Variants in FOXP4 observed in about 807,000 individuals in gnomAD.
FOXP4 encodes the protein forkhead box protein P4.
Under a neutral mutation model 82.6 loss-of-function variants are expected in FOXP4, and 25 were observed. That is an observed-to-expected ratio of 0.30 (90% CI 0.22 to 0.42). FOXP4 has a LOEUF of 0.42. Ranked by LOEUF, FOXP4 falls within the 10% of genes least tolerant of loss-of-function variation. FOXP4 has a pLI of 1.00. For missense variants in FOXP4, 785 were observed against 900.9 expected, an observed-to-expected ratio of 0.87 and a Z score of 1.65; for synonymous variants, 415 against 388.2, an observed-to-expected ratio of 1.07 and a Z score of -0.81.
intron 1 of FOXP4, among the ~76,000 whole-genome samples, chr6:41,547,734 G>A (rs1030206560): frequency 1.3e-4 from 19 of 151,832 alleles, no homozygotes; most frequent in African/African-American, 4.1e-4. Flanking sequence ...GGCCACGGGG[G>A]CCCGGAGGCC....
intron 1 of FOXP4, among the ~76,000 whole-genome samples, chr6:41,554,471 C>T (rs1025214827): frequency 2.6e-5 from 4 of 152,196 alleles, no homozygotes; most frequent in Non-Finnish European, 4.4e-5. Flanking sequence ...CAGCCTAGCC[C>T]CTGAAGGCAT....
chr6:41,555,839 A>G (rs1446053736), intron 1 of FOXP4, among the ~76,000 whole-genome samples: 2 of 152,360 alleles, frequency 1.3e-5, no homozygotes, highest in South Asian at 2.1e-4. Flanking sequence ...TCTAATTTGC[A>G]TTAGTAACAA....
At chr6:41,566,882 G>A (rs973391230) in intron 2 of FOXP4, among the ~76,000 whole-genome samples, 10 of 152,194 alleles carry the variant, frequency 6.6e-5, no homozygotes, top group Admixed American at 4.6e-4. Context: ...GCCCACTCCT[G>A]CCTCATGCGT....
At chr6:41,566,622 A>G (rs1764895636) in intron 2 of FOXP4, among the ~76,000 whole-genome samples, 1 of 152,230 alleles carries the variant, frequency 6.6e-6, no homozygotes, top group Admixed American at 6.5e-5. Flanking sequence ...GGATGGGTCT[A>G]GATCTGGTTG....
intron 3 of FOXP4, among the ~76,000 whole-genome samples, chr6:41,579,981 C>A (rs921836943): frequency 6.6e-6 from 1 of 151,578 alleles, no homozygotes; most frequent in Non-Finnish European, 1.5e-5. Flanking sequence ...GAAAGTTGTC[C>A]AAAGTTATAC....
rs144444549 is a variant in FOXP4 at position 41,565,829 on chromosome 6, C to T, written c.69C>T (p.Leu23=). Residue 23 remains leucine, a synonymous_variant, in exon 2 of 17, where the codon CTC becomes CTT. Coordinates refer to ENST00000307972, the MANE Select transcript of FOXP4 (RefSeq NM_001012426.2). ...APSGQNGVGS[L]SGQADGSSGG... is the part of the protein sequence containing the mutation. ...CTGGTCAGAATGGCGTGGGCAGCCT[C>T]TCTGGGCAAGCCGATGGCAGCAGCG... 1.9e-6 allele frequency: 3 copies of T among 1,613,902 alleles called. No individual in the cohort carries two copies. The highest frequency in any genetic ancestry group is 1.3e-5 in the African/African-American group (1 of 75,052).
intron 3 of FOXP4, among the ~76,000 whole-genome samples, chr6:41,581,717 C>T (rs1765813043): frequency 6.6e-6 from 1 of 152,248 alleles, no homozygotes; most frequent in Admixed American, 6.5e-5. Context: ...CCCCAGTGGG[C>T]CACCTCGAGA....
Position 41,597,164 on chromosome 6 carries a change from T to C in FOXP4, c.1659-12T>C. The C allele has an allele frequency of 6.2e-7, 1 of 1,614,108 alleles. No homozygotes were observed. The highest frequency in any genetic ancestry group is 8.5e-7 in the Non-Finnish European group (1 of 1,179,984). On this transcript the variant is annotated splice_polypyrimidine_tract_variant and intron_variant, in intron 14 of 16. Coordinates refer to ENST00000307972, the MANE Select transcript of FOXP4 (RefSeq NM_001012426.2). ...AATGAGTGAGCCAAAGATGGCCTTC[T>C]CTGTCCTCCAGGAGCCCCACCCTGG...
At position 41,590,275 on chromosome 6, in the gene FOXP4, G is replaced by A. The variant is rs900775852; in HGVS notation, c.1362G>A (p.Leu454=). The change falls in exon 12 of 17, where the codon CTG becomes CTA. Residue 454 remains leucine, a synonymous_variant. Transcript: ENST00000307972. ...DKFCSPISSE[L]AQNHEFYKNA... is the part of the protein sequence containing the mutation. ...ATCCTCTGCCTGTCTCCCCAGAGCT[G>A]GCCCAGAATCATGAGTTCTACAAGA... is the stretch of plus-strand genomic sequence containing the variant. 1.9e-5 allele frequency: 30 copies of A among 1,613,940 alleles called. No individual in the cohort carries two copies. Among genetic ancestry groups the A allele is most frequent in the Non-Finnish European group, 2.4e-5 (28 of 1,180,008 alleles).
intron 3 of FOXP4, among the ~76,000 whole-genome samples, chr6:41,584,447 A>C (rs1242950425): frequency 6.6e-6 from 1 of 152,236 alleles, no homozygotes; most frequent in African/African-American, 2.4e-5. Context: ...TGCTCTAAGG[A>C]CAGCCCGTCC....
intron 1 of FOXP4, among the ~76,000 whole-genome samples, chr6:41,562,923 G>A (rs749662697): frequency 1.7e-4 from 26 of 152,344 alleles, no homozygotes; most frequent in Non-Finnish European, 2.2e-4. Flanking sequence ...GCTGTGGCAA[G>A]TGGAGGATGG....
chr6:41,561,335 C>T (rs984380671), intron 1 of FOXP4, among the ~76,000 whole-genome samples: 1 of 152,088 alleles, frequency 6.6e-6, no homozygotes, highest in Non-Finnish European at 1.5e-5. Context: ...CATTTGCCCC[C>T]AACATGTGGT....
intron 5 of FOXP4, 142 bp downstream of exon 5, chr6:41,585,659 G>A (rs2127389203): frequency 1.4e-6 from 1 of 713,876 alleles, no homozygotes; most frequent in Admixed American, 2.9e-5. Flanking sequence ...GGATCAGTGT[G>A]GGGGAAATGG....
At chr6:41,566,793 G>A (rs1453136419) in intron 2 of FOXP4, among the ~76,000 whole-genome samples, 3 of 152,128 alleles carry the variant, frequency 2.0e-5, no homozygotes, top group Non-Finnish European at 4.4e-5. Context: ...TGGTGGTGCC[G>A]GCCCTTGAGT....
intron 1 of FOXP4, among the ~76,000 whole-genome samples, chr6:41,563,735 C>T (rs1764721599): frequency 6.6e-6 from 1 of 152,196 alleles, no homozygotes; most frequent in African/African-American, 2.4e-5. Flanking sequence ...ATTTTCTCCT[C>T]AAAAGACTTG....
At position 41,591,163 on chromosome 6, in the gene FOXP4, G is replaced by C; in HGVS notation, c.1435-58G>C. On this transcript the variant is annotated intron_variant, in intron 12 of 16. Transcript: ENST00000307972. This position sits in a 1 kb window ranked among gnomAD's most constrained non-coding sequence, Gnocchi z 4.2. ...GAGAGGTACTGGGGGAGGGAACCCA[G>C]GGCTGTGACCCTTCGAGGCCCAGGC... 6.9e-7 allele frequency: 1 copy of C among 1,443,682 alleles called. No individual in the cohort carries two copies. The highest frequency in any genetic ancestry group is 1.2e-5 in the South Asian group (1 of 82,536). The allele number at this position is 1,443,682 out of a possible 1,614,324, so 89.4% of individuals were successfully genotyped here.
Position 41,565,903 on chromosome 6 carries a change from C to T in FOXP4, c.143C>T (p.Thr48Met), listed in dbSNP as rs370865740. ...TASGTGREVT[T>M]GADSNGEMSP... ...AGTGGCACGGGCAGGGAAGTGACCA[C>T]GGGTGCAGACAGCAATGGTGAGATG... The change falls in exon 2 of 17, where the codon ACG becomes ATG. Residue 48 changes from threonine to methionine, a missense_variant. Thr to Met is a moderately conservative substitution (Grantham distance 81). This residue lies in a region of FOXP4 where 570 missense variants were observed against 634.0 expected (regional missense o/e 0.90). Coordinates refer to ENST00000307972, the MANE Select transcript of FOXP4 (RefSeq NM_001012426.2). 7.4e-6 allele frequency: 12 copies of T among 1,613,908 alleles called. No individual in the cohort carries two copies. The highest frequency in any genetic ancestry group is 6.7e-5 in the African/African-American group (5 of 74,932).
At chr6:41,580,070 A>C (rs972086880) in intron 3 of FOXP4, among the ~76,000 whole-genome samples, 1 of 121,804 alleles carries the variant, frequency 8.2e-6, no homozygotes, top group Non-Finnish European at 1.7e-5. Flanking sequence ...TTTGAGATGG[A>C]GTCTCTTGTT....
rs1767194533 is a variant in FOXP4, at chr6:41,601,050, C to T, written c.*2114C>T. On this transcript the variant is annotated 3_prime_UTR_variant, in exon 17 of 17. Transcript: ENST00000307972. ...CTCTGGAGACATCCACACCCATTCC[C>T]AGGTGTCCTTCCAGGCCCATTGTCC... 6.6e-6 allele frequency: 1 copy of T among 152,266 alleles called. No homozygotes were observed. The highest frequency in any genetic ancestry group is 2.4e-5 in the African/African-American group (1 of 41,450). The allele number at this position is 152,266 out of a possible 1,614,324, so 9.4% of individuals were successfully genotyped here. A position where few individuals can be genotyped will look rare whatever the true frequency, so the allele number is the denominator to read the frequency against.
Sources: allele counts gnomAD v4.1 joint callset (sites outside exome capture counted in the v4.1 genomes callset), GRCh38; gene constraint gnomAD v4.1.1; regional missense constraint gnomAD v4.1.1; non-coding constraint Gnocchi (gnomAD v3.1); transcripts MANE v1.5; gene names NCBI Gene and HGNC (gene_info 2026-07-23, HGNC 2026-07-21).